The following CNTN5 variants were observed in gnomAD, a reference collection of about 807,000 sequenced individuals.
CNTN5 encodes the protein contactin 5, also known as contactin-5.
A neutral mutation model predicts 129.1 loss-of-function variants in CNTN5; 77 were observed. The observed-to-expected ratio is 0.60, with a 90% CI of 0.50 to 0.72. The LOEUF (loss-of-function observed/expected upper bound fraction) is 0.72, where lower values mean the gene tolerates loss of function less well. Among genes scored for constraint, CNTN5 ranks in the 30% least tolerant of loss-of-function variants. The pLI is 0.00. For synonymous variants in CNTN5, 509 were observed against 465.6 expected (o/e 1.09, Z -1.20); for missense variants, 1,478 against 1,328.8 (o/e 1.11, Z -1.75).
chr11:100,150,043 G>A (rs1947004270), intron 13 of CNTN5, among the ~76,000 whole-genome samples: 1 of 152,056 alleles, frequency 6.6e-6, no homozygotes, highest in African/African-American at 2.4e-5. Context: ...ACTTGGTGTG[G>A]AGAGAAAACA....
At chr11:100,235,931 C>T (rs1301992768) in intron 16 of CNTN5, among the ~76,000 whole-genome samples, 1 of 152,090 alleles carries the variant, frequency 6.6e-6, no homozygotes, top group Non-Finnish European at 1.5e-5. Flanking sequence ...CCCACAGACC[C>T]TGGCCTACGA....
intron 9 of CNTN5, among the ~76,000 whole-genome samples, chr11:100,015,358 T>G (rs1175963602): frequency 6.6e-6 from 1 of 152,150 alleles, no homozygotes; most frequent in African/African-American, 2.4e-5. Flanking sequence ...CATGTTGAGT[T>G]GCCTTACCAA....
At chr11:100,283,268 C>A (rs1315362900) in intron 18 of CNTN5, among the ~76,000 whole-genome samples, 3 of 152,108 alleles carry the variant, frequency 2.0e-5, no homozygotes, top group Non-Finnish European at 1.5e-5. Flanking sequence ...ATGACCAGTG[C>A]CCTATTCTCC....
intron 3 of CNTN5, among the ~76,000 whole-genome samples, chr11:99,780,250 C>T (rs766348805): frequency 6.6e-6 from 1 of 151,842 alleles, no homozygotes; most frequent in Admixed American, 6.6e-5. Flanking sequence ...CTATTTCATA[C>T]GTTAGTATAT....
intron 3 of CNTN5, among the ~76,000 whole-genome samples, chr11:99,578,220 G>C (rs1024847141): frequency 2.0e-5 from 3 of 151,884 alleles, no homozygotes; most frequent in Non-Finnish European, 4.4e-5. Context: ...TCTTAATCCA[G>C]TCTATCATTG....
Position 99,415,782 on chromosome 11 carries a change from T to C in CNTN5, c.-71+90298T>C, listed in dbSNP as rs1409369884. On this transcript the variant is annotated intron_variant, in intron 2 of 24. Coordinates refer to ENST00000524871, the MANE Select transcript of CNTN5 (RefSeq NM_014361.4). ...AACTAATTAACAGATAGTCGTGCAATCATTCCTTTCCATTAACGTAACTTG... is the reference window on the plus strand; with the variant it reads ...AACTAATTAACAGATAGTCGTGCAACCATTCCTTTCCATTAACGTAACTTG... Among the ~76,000 whole-genome samples the C allele has an allele frequency of 3.3e-5, 5 of 152,130 alleles. No individual in the cohort carries two copies. The East Asian group carries it at 5.8e-4, about 18-fold the overall frequency.
At chr11:99,317,250 G>A (rs73538976) in intron 1 of CNTN5, among the ~76,000 whole-genome samples, 7,746 of 152,146 alleles carry the variant, frequency 0.051, 638 homozygotes, top group African/African-American at 0.18. Flanking sequence ...AAATATTTCA[G>A]CAACCAATTC....
rs141263816 is a variant in CNTN5 at position 100,051,987 on chromosome 11, C to T, written c.981-9225C>T. Among the ~76,000 whole-genome samples the T allele has an allele frequency of 7.2e-4, 110 of 151,990 alleles. 2 individuals carry two copies. In the East Asian group the frequency reaches 0.01, roughly 14 times the overall value. On this transcript the variant is annotated intron_variant, in intron 9 of 24. Coordinates refer to ENST00000524871, the MANE Select transcript of CNTN5 (RefSeq NM_014361.4). The stretch of plus-strand genomic sequence containing the variant: ...TAAAAAATTGAGTCCCAGTTAGTTT[C>T]GTTGATGAATTCTATCAAACATGTA...
At chr11:100,133,916 AT>A (rs1166374764) in intron 13 of CNTN5, among the ~76,000 whole-genome samples, 1 of 152,086 alleles carries the variant, frequency 6.6e-6, no homozygotes, top group Non-Finnish European at 1.5e-5. Context: ...GATTTTGATT[AT>A]TTTTTAATGA....
At chr11:99,999,340 G>A (rs1412710099) in intron 8 of CNTN5, among the ~76,000 whole-genome samples, 2 of 152,110 alleles carry the variant, frequency 1.3e-5, no homozygotes, top group Non-Finnish European at 1.5e-5. Flanking sequence ...TCAAAAAGTG[G>A]GCGAAGGACA....
At chr11:99,241,111 T>C (rs77463456) in intron 1 of CNTN5, among the ~76,000 whole-genome samples, 2,380 of 152,262 alleles carry the variant, frequency 0.016, 62 homozygotes, top group African/African-American at 0.054. Flanking sequence ...AATTAATCTT[T>C]CTTTGTTTCA....
intron 16 of CNTN5, among the ~76,000 whole-genome samples, chr11:100,253,028 A>G (rs774400248): frequency 2.8e-4 from 42 of 152,172 alleles, no homozygotes; most frequent in African/African-American, 9.7e-4. Context: ...AATGGCTTGC[A>G]TGTTCAGGGA....
chr11:99,415,392 C>G (rs1942609758), intron 2 of CNTN5, among the ~76,000 whole-genome samples: 1 of 152,134 alleles, frequency 6.6e-6, no homozygotes. Flanking sequence ...TGTTCAGCTT[C>G]TTCTTGGCCT....
At chr11:100,042,903 A>T (rs944261751) in intron 9 of CNTN5, among the ~76,000 whole-genome samples, 2 of 152,192 alleles carry the variant, frequency 1.3e-5, no homozygotes, top group Admixed American at 1.3e-4. Flanking sequence ...ATGAAAATCA[A>T]ATGTGTAGTT....
intron 3 of CNTN5, among the ~76,000 whole-genome samples, chr11:99,669,780 C>T (rs931067125): frequency 6.6e-5 from 10 of 152,170 alleles, no homozygotes; most frequent in South Asian, 2.1e-4. Flanking sequence ...GAAGGTTTGT[C>T]CCTAAGCCAA....
At chr11:99,283,453 T>C (rs1387143063) in intron 1 of CNTN5, among the ~76,000 whole-genome samples, 2 of 152,046 alleles carry the variant, frequency 1.3e-5, no homozygotes, top group African/African-American at 4.8e-5. Context: ...ACGTATCTAG[T>C]TTTTGTTAAG....
At position 99,781,311 on chromosome 11, in the gene CNTN5, G is replaced by A. The variant is rs112851646; in HGVS notation, c.56-38233G>A. 6.7e-3 allele frequency among the ~76,000 whole-genome samples: 1,026 copies of A among 152,082 alleles called. 8 individuals are homozygous for A. Among genetic ancestry groups the A allele is most frequent in the South Asian group, 0.015 (71 of 4,822 alleles). On this transcript the variant is annotated intron_variant, in intron 3 of 24. Coordinates refer to ENST00000524871, the MANE Select transcript of CNTN5 (RefSeq NM_014361.4). ...TCAACTCAACAGTGGAGTAACAGAT[G>A]GCACTTATATTTTGTGAAATGACTT...
At chr11:99,076,236 G>A (rs1217418966) in intron 1 of CNTN5, among the ~76,000 whole-genome samples, 2 of 152,110 alleles carry the variant, frequency 1.3e-5, no homozygotes, top group Admixed American at 6.6e-5. Context: ...TCAGGAGGCT[G>A]AGGCAGGAGA....
At chr11:100,128,251 C>T (rs1040209251) in intron 13 of CNTN5, among the ~76,000 whole-genome samples, 2 of 152,032 alleles carry the variant, frequency 1.3e-5, no homozygotes, top group African/African-American at 2.4e-5. Flanking sequence ...TTTCCTGTCT[C>T]AGTAAACAGA....
Sources: gnomAD v4.1 joint callset for allele counts (sites outside exome capture counted in the v4.1 genomes callset) on GRCh38, gnomAD v4.1.1 for gene constraint, MANE v1.5 for transcripts, NCBI Gene and HGNC (gene_info 2026-07-23, HGNC 2026-07-21) for gene names.